The following EYS variants were observed in gnomAD, a reference collection of about 807,000 sequenced individuals.
EYS encodes the protein protein eyes shut homolog.
EYS carries 250 observed loss-of-function variants against 282.1 expected under a neutral mutation model. The ratio of observed to expected loss-of-function variants is 0.89; its 90% CI spans 0.80 to 0.98. EYS has a LOEUF of 0.98. Among genes scored for constraint, EYS ranks in the 50% least tolerant of loss-of-function variants. The pLI is 0.00. For synonymous variants in EYS, 1,355 were observed against 1,282.9 expected, an observed-to-expected ratio of 1.06 and a Z score of -1.20; for missense variants, 4,016 against 3,709.0, an observed-to-expected ratio of 1.08 and a Z score of -2.15.
intron 35 of EYS, among the ~76,000 whole-genome samples, chr6:63,965,836 G>T (rs1766281219): frequency 6.6e-6 from 1 of 152,148 alleles, no homozygotes; most frequent in Admixed American, 6.6e-5. Flanking sequence ...AACACAGCCT[G>T]TAATAGTAAA....
At chr6:64,769,090 G>T (rs1169257202) in intron 22 of EYS, among the ~76,000 whole-genome samples, 1 of 152,012 alleles carries the variant, frequency 6.6e-6, no homozygotes, top group Non-Finnish European at 1.5e-5. Context: ...TAGAAAATAA[G>T]AACCTACATT....
chr6:64,229,693 A>T (rs1270280392), intron 31 of EYS, among the ~76,000 whole-genome samples: 1 of 151,964 alleles, frequency 6.6e-6, no homozygotes, highest in East Asian at 1.9e-4. Context: ...ATTGTGGAAG[A>T]AGGGTGGAAT....
intron 19 of EYS, among the ~76,000 whole-genome samples, chr6:64,859,544 T>C (rs1452882052): frequency 6.6e-6 from 1 of 152,094 alleles, no homozygotes; most frequent in Admixed American, 6.6e-5. Flanking sequence ...TGGGAAGTAA[T>C]TGAATCATGG....
chr6:64,095,650 C>T (rs916906196), intron 31 of EYS, among the ~76,000 whole-genome samples: 1 of 151,658 alleles, frequency 6.6e-6, no homozygotes, highest in Admixed American at 6.6e-5. Context: ...ATATGTGTCT[C>T]TGCACATGAG....
At chr6:64,009,423 A>ACAGGCACCCAC (rs1381201746) in intron 33 of EYS, among the ~76,000 whole-genome samples, 8 of 149,322 alleles carry the variant, frequency 5.4e-5, no homozygotes. Flanking sequence ...AGTTGGGACT[A>ACAGGCACCCAC]CAGGCACCCA....
At chr6:65,615,975 G>C (rs533238408) in intron 2 of EYS, among the ~76,000 whole-genome samples, 2 of 151,588 alleles carry the variant, frequency 1.3e-5, no homozygotes, top group East Asian at 3.9e-4. Context: ...TTATCAAATA[G>C]TATGAACACA....
intron 5 of EYS, among the ~76,000 whole-genome samples, chr6:65,478,914 T>C (rs575797346): frequency 1.2e-4 from 19 of 152,202 alleles, no homozygotes; most frequent in African/African-American, 4.3e-4. Flanking sequence ...CACAGAAATC[T>C]GCACAAAGTC....
At chr6:64,204,240 T>A (rs1160265388) in intron 31 of EYS, among the ~76,000 whole-genome samples, 1 of 152,160 alleles carries the variant, frequency 6.6e-6, no homozygotes, top group African/African-American at 2.4e-5. Flanking sequence ...TTCAAAGCAA[T>A]GTTCTTCAAA....
chr6:65,143,373 G>C (rs1764397976), intron 12 of EYS, among the ~76,000 whole-genome samples: 1 of 151,588 alleles, frequency 6.6e-6, no homozygotes, highest in Non-Finnish European at 1.5e-5. Flanking sequence ...GGTCATCAAT[G>C]GGATATAAAG....
chr6:64,765,685 T>C (rs950025385), intron 22 of EYS, among the ~76,000 whole-genome samples: 4 of 152,120 alleles, frequency 2.6e-5, no homozygotes, highest in African/African-American at 9.7e-5. Flanking sequence ...AAGCACCTTC[T>C]TCACATGGTG....
chr6:64,961,713 C>T (rs1769926294), intron 14 of EYS, among the ~76,000 whole-genome samples: 1 of 151,874 alleles, frequency 6.6e-6, no homozygotes, highest in Non-Finnish European at 1.5e-5. Context: ...TAATCCTCTC[C>T]CAACTCACAA....
chr6:65,143,926 C>CT (rs1302272792), intron 12 of EYS, among the ~76,000 whole-genome samples: 7 of 151,820 alleles, frequency 4.6e-5, no homozygotes, highest in African/African-American at 7.3e-5. Context: ...TCTTTTCTTC[C>CT]TTTTTTTTCC....
chr6:65,663,866 CTTTTTTTTTTTT>C (rs66999581), intron 1 of EYS, among the ~76,000 whole-genome samples: 5 of 75,920 alleles, frequency 6.6e-5, no homozygotes, highest in East Asian at 3.9e-4. Context: ...TTTTTCTTTT[CTTTTTTTTTTTT>C]TTTTTTTTTT....
chr6:64,852,604 T>G (rs1184285980), intron 19 of EYS, among the ~76,000 whole-genome samples: 1 of 152,098 alleles, frequency 6.6e-6, no homozygotes, highest in African/African-American at 2.4e-5. Flanking sequence ...ACTGAATGTT[T>G]GTAGATGTAA....
chr6:64,137,711 C>T (rs180680356), intron 31 of EYS, among the ~76,000 whole-genome samples: 17 of 152,166 alleles, frequency 1.1e-4, no homozygotes, highest in Middle Eastern at 3.4e-3. Context: ...CCATCTCATA[C>T]GAGTGCAGTT....
chr6:64,240,946 G>C (rs1224991627), intron 30 of EYS, among the ~76,000 whole-genome samples: 1 of 152,142 alleles, frequency 6.6e-6, no homozygotes, highest in East Asian at 1.9e-4. Flanking sequence ...AGTTTATTGA[G>C]AGTTTTTAGC....
intron 2 of EYS, among the ~76,000 whole-genome samples, chr6:65,534,949 A>G (rs895969643): frequency 9.9e-5 from 15 of 152,234 alleles, no homozygotes; most frequent in African/African-American, 3.4e-4. Context: ...ATTCTTTTAC[A>G]CGCATCTCAT....
intron 2 of EYS, among the ~76,000 whole-genome samples, chr6:65,592,388 G>T (rs150489049): frequency 6.6e-6 from 1 of 151,836 alleles, no homozygotes; most frequent in East Asian, 1.9e-4. Flanking sequence ...TTAACATCTG[G>T]TAACTTTTAT....
chr6:64,474,222 C>G (rs1194477213), intron 26 of EYS, among the ~76,000 whole-genome samples: 1 of 152,136 alleles, frequency 6.6e-6, no homozygotes, highest in African/African-American at 2.4e-5. Context: ...TTATCAGACA[C>G]AGATGTTTCA....
Sources: gnomAD v4.1 joint callset for allele counts (sites outside exome capture counted in the v4.1 genomes callset) on GRCh38, gnomAD v4.1.1 for gene constraint, MANE v1.5 for transcripts, NCBI Gene and HGNC (gene_info 2026-07-23, HGNC 2026-07-21) for gene names.